The following CEP112 variants were observed in gnomAD, a reference collection of about 807,000 sequenced individuals.
CEP112 encodes the protein centrosomal protein 112.
CEP112 carries 127 observed loss-of-function variants against 153.0 expected under a neutral mutation model. The observed-to-expected ratio is 0.83, with a 90% CI of 0.72 to 0.96. CEP112 has a LOEUF of 0.96. Ranked by LOEUF, CEP112 falls within the 40% of genes least tolerant of loss-of-function variation. The pLI, the probability that CEP112 is intolerant of heterozygous loss-of-function variation, is 0.00. For synonymous variants in CEP112, 358 were observed against 374.4 expected, an observed-to-expected ratio of 0.96 and a Z score of 0.51; for missense variants, 1,089 against 1,101.2, an observed-to-expected ratio of 0.99 and a Z score of 0.16.
chr17:66,095,795 G>C (rs558295059), intron 8 of CEP112, among the ~76,000 whole-genome samples: 16 of 152,258 alleles, frequency 1.1e-4, no homozygotes, highest in African/African-American at 3.6e-4. Context: ...ATTTTGTCCA[G>C]GTGTGGTGGC....
chr17:65,819,659 C>T (rs1471518009), intron 21 of CEP112, among the ~76,000 whole-genome samples: 2 of 151,964 alleles, frequency 1.3e-5, no homozygotes, highest in Non-Finnish European at 2.9e-5. Context: ...TGATATAATG[C>T]ATCTGAGAAA....
chr17:66,006,503 G>T (rs1320986963), intron 16 of CEP112, among the ~76,000 whole-genome samples: 6 of 152,076 alleles, frequency 3.9e-5, no homozygotes, highest in Non-Finnish European at 8.8e-5. Context: ...CTACTCAGGA[G>T]GCTGAGGCAG....
chr17:65,896,228 T>TC (rs1402306053), intron 20 of CEP112, among the ~76,000 whole-genome samples: 1 of 152,102 alleles, frequency 6.6e-6, no homozygotes, highest in Non-Finnish European at 1.5e-5. Context: ...CACTGTATCT[T>TC]CTACAAATGG....
chr17:66,004,510 G>A (rs2052332), intron 17 of CEP112, among the ~76,000 whole-genome samples: 62,429 of 151,852 alleles, frequency 0.41, 14,293 homozygotes, highest in East Asian at 0.87. Flanking sequence ...AAGCAAGACT[G>A]CCCTAGTTTT....
Position 65,652,851 on chromosome 17 carries a change from T to A in CEP112, c.2698-11786A>T, listed in dbSNP as rs563787391. Reference sequence around the variant, plus strand: ...GGCTGCTATAACAAATACCATAGATTGAGCAGATTAATCAATAAGCATATA... The same window carrying A: ...GGCTGCTATAACAAATACCATAGATAGAGCAGATTAATCAATAAGCATATA... On this transcript the variant is annotated intron_variant, in intron 24 of 26. Coordinates refer to ENST00000535342, the MANE Select transcript of CEP112 (RefSeq NM_001199165.4). Among the ~76,000 whole-genome samples the A allele has an allele frequency of 4.5e-4, 68 of 152,316 alleles. 3 individuals are homozygous for A. The South Asian group carries it at 0.014, about 31-fold the overall frequency.
intron 6 of CEP112, among the ~76,000 whole-genome samples, chr17:66,118,378 G>C (rs2069405599): frequency 6.6e-6 from 1 of 152,000 alleles, no homozygotes; most frequent in African/African-American, 2.4e-5. Context: ...TTAGCTATAA[G>C]AATGAAATAC....
At chr17:65,775,978 G>A (rs146745275) in intron 21 of CEP112, among the ~76,000 whole-genome samples, 14 of 152,286 alleles carry the variant, frequency 9.2e-5, no homozygotes, top group Admixed American at 6.5e-4. Flanking sequence ...ACACACTTTC[G>A]TAATCAACCA....
chr17:66,020,044 C>T (rs917920710), intron 16 of CEP112, among the ~76,000 whole-genome samples: 3 of 152,192 alleles, frequency 2.0e-5, no homozygotes, highest in Non-Finnish European at 4.4e-5. Context: ...ATAGCCAGTG[C>T]ATCCCTTTCT....
Position 65,819,003 on chromosome 17 carries a change from T to C in CEP112, c.2394+32801A>G, listed in dbSNP as rs534800057. On this transcript the variant is annotated intron_variant, in intron 21 of 26. Transcript: ENST00000535342. ...ATGTTAATTAACCATATTACACTTG[T>C]CCTCTTGGTGAGAATCTCTTGTAAT... Among the ~76,000 whole-genome samples the C allele has an allele frequency of 5.9e-5, 9 of 152,088 alleles. No individual in the cohort carries two copies. In the South Asian group the frequency reaches 6.2e-4, roughly 11 times the overall value.
rs189256774 is a variant in CEP112, at chr17:65,862,926, A to G, written c.2164-10892T>C. Among the ~76,000 whole-genome samples the G allele has an allele frequency of 7.2e-5, 11 of 152,280 alleles. No homozygotes were observed. The East Asian group carries it at 2.1e-3, about 29-fold the overall frequency. ...CTTAATTCTAATTATGTTTTTGAAT[A>G]TTACATGGCTTCATTATTCCTTACT... On this transcript the variant is annotated intron_variant, in intron 20 of 26. Coordinates refer to ENST00000535342, the MANE Select transcript of CEP112 (RefSeq NM_001199165.4).
At chr17:65,883,255 G>C (rs1190904384) in intron 20 of CEP112, among the ~76,000 whole-genome samples, 1 of 141,536 alleles carries the variant, frequency 7.1e-6, no homozygotes, top group Non-Finnish European at 1.5e-5. Flanking sequence ...CTCATGCTAA[G>C]AAGTTTACAT....
In CEP112 at chr17:66,029,926, G is replaced by A. The variant is rs1367489460; in HGVS notation, c.1316C>T (p.Ala439Val). 7 of 1,613,342 alleles carry A rather than the reference G, an allele frequency of 4.3e-6. No homozygotes were observed. Among genetic ancestry groups the A allele is most frequent in the Admixed American group, 1.7e-5 (1 of 59,948 alleles). The change falls in exon 13 of 27, where the codon GCA becomes GTA. Residue 439 changes from alanine to valine, a missense_variant. Ala to Val is a moderately conservative substitution (Grantham distance 64). Transcript: ENST00000535342. Reference protein sequence around the residue: ...LQRQKLIQEKAELERCYQITC... With the variant: ...LQRQKLIQEKVELERCYQITC... ...TATCTGGTAACATCTTTCAAGTTCT[G>A]CTTTTTCTTGAATTAATTTCTGCCT...
intron 21 of CEP112, among the ~76,000 whole-genome samples, chr17:65,851,542 C>T (rs558670058): frequency 3.9e-5 from 6 of 152,192 alleles, no homozygotes; most frequent in African/African-American, 7.2e-5. Context: ...TTTATTACAA[C>T]GTGTATTTAA....
chr17:65,915,465 C>T (rs1298109090), intron 19 of CEP112, among the ~76,000 whole-genome samples: 1 of 152,042 alleles, frequency 6.6e-6, no homozygotes, highest in South Asian at 2.1e-4. Flanking sequence ...ATCAAAGCTC[C>T]ACACAGCAAC....
intron 21 of CEP112, among the ~76,000 whole-genome samples, chr17:65,778,361 A>T (rs1359041564): frequency 2.0e-5 from 3 of 152,180 alleles, no homozygotes; most frequent in Non-Finnish European, 2.9e-5. Context: ...CTCTGCCATA[A>T]TCCTACCAAT....
chr17:65,848,071 T>C (rs944475672), intron 21 of CEP112, among the ~76,000 whole-genome samples: 9 of 152,218 alleles, frequency 5.9e-5, no homozygotes, highest in African/African-American at 2.2e-4. Context: ...CAATGATCTC[T>C]GATTCTTCAC....
chr17:66,003,814 G>A (rs1434893601), intron 17 of CEP112, among the ~76,000 whole-genome samples: 1 of 152,092 alleles, frequency 6.6e-6, no homozygotes, highest in Non-Finnish European at 1.5e-5. Flanking sequence ...AAGAGATTTA[G>A]CTTGCACACT....
At chr17:65,656,673 G>A (rs1175322044) in intron 24 of CEP112, among the ~76,000 whole-genome samples, 2 of 152,174 alleles carry the variant, frequency 1.3e-5, no homozygotes, top group Non-Finnish European at 1.5e-5. Flanking sequence ...TGAAACATTT[G>A]TTATCTGGCC....
chr17:65,643,993 A>AT (rs1313832742), intron 24 of CEP112, among the ~76,000 whole-genome samples: 1 of 152,130 alleles, frequency 6.6e-6, no homozygotes, highest in Non-Finnish European at 1.5e-5. Context: ...TACAGCAGGA[A>AT]TGGGAGCTGC....
Sources: gnomAD v4.1 joint callset for allele counts (sites outside exome capture counted in the v4.1 genomes callset) on GRCh38, gnomAD v4.1.1 for gene constraint, MANE v1.5 for transcripts, NCBI Gene and HGNC (gene_info 2026-07-23, HGNC 2026-07-21) for gene names.